The following RXYLT1 variants were observed in gnomAD, a reference collection of about 807,000 sequenced individuals.
RXYLT1 encodes the protein ribitol-5-phosphate xylosyltransferase 1.
A neutral mutation model predicts 43.5 loss-of-function variants in RXYLT1; 41 were observed. That is an observed-to-expected ratio of 0.94 (90% CI 0.73 to 1.22). The LOEUF is 1.22. RXYLT1 is among the 50% of genes most tolerant of loss of function. The pLI, the probability that RXYLT1 is intolerant of heterozygous loss-of-function variation, is 0.00. For synonymous variants in RXYLT1, 166 were observed against 194.4 expected (o/e 0.85, Z 1.21); for missense variants, 514 against 532.0 (o/e 0.97, Z 0.33).
At chr12:63,802,474 T>G in intron 4 of RXYLT1, 69 bp downstream of exon 4, 1 of 1,415,910 alleles carries the variant, frequency 7.1e-7, no homozygotes, top group Non-Finnish European at 9.5e-7. Flanking sequence ...GAAGACTTAT[T>G]CAAAATTGTA....
At chr12:63,807,620 A>G (rs1342947202) in intron 5 of RXYLT1, 1 of 151,868 alleles carries the variant, frequency 6.6e-6, no homozygotes, top group African/African-American at 2.4e-5. Flanking sequence ...GCTGTAGTGC[A>G]GTGACAGGAT....
chr12:63,801,805 A>G (rs1898164758), intron 3 of RXYLT1, among the ~76,000 whole-genome samples: 1 of 152,010 alleles, frequency 6.6e-6, no homozygotes, highest in African/African-American at 2.4e-5. Context: ...CTGGGCCACA[A>G]GAGTTGAGAC....
intron 3 of RXYLT1, among the ~76,000 whole-genome samples, chr12:63,795,106 AG>A (rs1352261315): frequency 6.6e-6 from 1 of 152,022 alleles, no homozygotes; most frequent in Non-Finnish European, 1.5e-5. Context: ...AGACCAGCCT[AG>A]GCAGCATGGC....
chr12:63,782,383 T>C (rs1217463687), intron 2 of RXYLT1, among the ~76,000 whole-genome samples: 1 of 152,258 alleles, frequency 6.6e-6, no homozygotes, highest in Non-Finnish European at 1.5e-5. Context: ...AGCTTTGCCC[T>C]CTGGCATCTC....
In RXYLT1 at chr12:63,809,036, A is replaced by C. The variant is rs747953826; in HGVS notation, c.1276A>C (p.Lys426Gln). Residue 426 changes from lysine (K) to glutamine (Q), a missense_variant, in exon 6 of 6, where the codon AAA (lysine) becomes CAA (glutamine). Physicochemically the swap from Lys to Gln is moderately conservative, Grantham distance 53. Coordinates refer to ENST00000261234, the MANE Select transcript of RXYLT1 (RefSeq NM_014254.3). ...GTATCAGCACTTCAAGACAGAGCTTAAAATGAAATTTACTAATATTTTAGA... is the reference window on the plus strand; with the variant it reads ...GTATCAGCACTTCAAGACAGAGCTTCAAATGAAATTTACTAATATTTTAGA... ...QWYQHFKTEL[K>Q]MKFTNILESS... 2 of 1,581,602 alleles carry C rather than the reference A, an allele frequency of 1.3e-6. No homozygotes were observed. The highest frequency in any genetic ancestry group is 2.4e-5 in the South Asian group (2 of 84,996).
chr12:63,805,511 A>C, intron 5 of RXYLT1, 107 bp downstream of exon 5: 1 of 1,095,450 alleles, frequency 9.1e-7, no homozygotes, highest in South Asian at 1.9e-5. Context: ...TATTTGTACC[A>C]ATCTTTCCCC....
chr12:63,780,770 G>GA (rs1897663175), intron 1 of RXYLT1, among the ~76,000 whole-genome samples: 1 of 152,154 alleles, frequency 6.6e-6, no homozygotes, highest in Non-Finnish European at 1.5e-5. Context: ...TTGTGTTGGG[G>GA]AAGAGAATTT....
chr12:63,799,463 G>T (rs1898110576), intron 3 of RXYLT1, among the ~76,000 whole-genome samples: 1 of 151,456 alleles, frequency 6.6e-6, no homozygotes, highest in South Asian at 2.1e-4. Context: ...GCTAATTTTT[G>T]TATTTTTTGT....
intron 3 of RXYLT1, among the ~76,000 whole-genome samples, chr12:63,794,762 G>A (rs1054508545): frequency 5.3e-5 from 8 of 150,640 alleles, no homozygotes; most frequent in South Asian, 2.1e-4. Context: ...AGGTCAGCCT[G>A]GGCAACATAG....
At chr12:63,787,590 G>A (rs549919744) in intron 3 of RXYLT1, among the ~76,000 whole-genome samples, 3 of 152,216 alleles carry the variant, frequency 2.0e-5, no homozygotes, top group Admixed American at 1.3e-4. Context: ...GTCTGTGGCA[G>A]CTATAGCCTT....
intron 3 of RXYLT1, among the ~76,000 whole-genome samples, chr12:63,796,092 G>C (rs1898025444): frequency 6.6e-6 from 1 of 152,080 alleles, no homozygotes. Flanking sequence ...AGAATCACAC[G>C]GTGTGCTTGG....
At chr12:63,796,982 G>A (rs975370022) in intron 3 of RXYLT1, among the ~76,000 whole-genome samples, 3 of 31,696 alleles carry the variant, frequency 9.5e-5, no homozygotes, top group African/African-American at 1.3e-4. Context: ...TTTTTTTTTT[G>A]TGACAGAGTC....
At chr12:63,781,620 C>T (rs998898255) in intron 2 of RXYLT1, among the ~76,000 whole-genome samples, 6 of 152,168 alleles carry the variant, frequency 3.9e-5, no homozygotes, top group Admixed American at 6.5e-5. Context: ...TTTAATATGA[C>T]AATGTTCATT....
chr12:63,790,037 C>G lies in RXYLT1; in HGVS notation c.428+4965C>G, dbSNP rs1897888850. 2.0e-5 allele frequency among the ~76,000 whole-genome samples: 3 copies of G among 152,194 alleles called. No homozygotes were observed. In the South Asian group the frequency reaches 6.2e-4, roughly 32 times the overall value. On this transcript the variant is annotated intron_variant, in intron 3 of 5. Coordinates refer to ENST00000261234, the MANE Select transcript of RXYLT1 (RefSeq NM_014254.3). ...TTGTAGCCTCGAGACAATTCTAAGA[C>G]AGAAGTAGAAAGGATATCATCAGTG...
intron 3 of RXYLT1, among the ~76,000 whole-genome samples, chr12:63,794,589 G>T (rs1350794122): frequency 6.6e-6 from 1 of 152,116 alleles, no homozygotes; most frequent in African/African-American, 2.4e-5. Context: ...GCTGAAGGGG[G>T]TAGTGGATTT....
At chr12:63,781,349 G>T (rs1897680324) in intron 2 of RXYLT1, among the ~76,000 whole-genome samples, 175 bp downstream of exon 2, 1 of 152,098 alleles carries the variant, frequency 6.6e-6, no homozygotes, top group Non-Finnish European at 1.5e-5. Context: ...ACATCTGTTT[G>T]TAAATGTACA....
rs1897644332 is a variant in RXYLT1 at position 63,780,195 on chromosome 12, G to T, written c.169+66G>T. 3 of 1,396,244 alleles carry T rather than the reference G, an allele frequency of 2.1e-6. No individual in the cohort carries two copies. The South Asian group carries it at 4.9e-5, about 23-fold the overall frequency. The allele number at this position is 1,396,244 out of a possible 1,614,324, so 86.5% of individuals were successfully genotyped here. A position where few individuals can be genotyped will look rare whatever the true frequency, so the allele number is the denominator to read the frequency against. Reference sequence around the variant, plus strand: ...TGGCTGGGGCTGCTGGGCGGCTGGGGCCGGGTCCCCGCACCCGGCTCTCAA... The same window carrying T: ...TGGCTGGGGCTGCTGGGCGGCTGGGTCCGGGTCCCCGCACCCGGCTCTCAA... On this transcript the variant is annotated intron_variant, in intron 1 of 5. Transcript: ENST00000261234.
intron 3 of RXYLT1, chr12:63,795,773 A>G (rs1898018814): frequency 6.6e-6 from 1 of 152,106 alleles, no homozygotes. Flanking sequence ...ATCTATAGCC[A>G]TTTAAACTGC....
At chr12:63,782,437 G>A in intron 2 of RXYLT1, 1 of 450,318 alleles carries the variant, frequency 2.2e-6, no homozygotes, top group South Asian at 1.6e-5. Flanking sequence ...ATAAAAAGTA[G>A]CACAAGTTTG....
Sources: gnomAD v4.1 joint callset for allele counts (sites outside exome capture counted in the v4.1 genomes callset) on GRCh38, gnomAD v4.1.1 for gene constraint, MANE v1.5 for transcripts, NCBI Gene and HGNC (gene_info 2026-07-23, HGNC 2026-07-21) for gene names.